BCR: variants seen among roughly 807,000 people sequenced by gnomAD.
The protein encoded by BCR is breakpoint cluster region protein.
In BCR, 58 loss-of-function variants were observed where a neutral mutation model predicts 138.6. The observed-to-expected ratio is 0.42, with a 90% CI of 0.34 to 0.52. The LOEUF is 0.52. Among genes scored for constraint, BCR ranks in the 20% least tolerant of loss-of-function variants. The probability of loss-of-function intolerance (pLI) is 0.06; values close to 1 mark genes in which losing one functional copy is unlikely to be tolerated. For synonymous variants in BCR, 786 were observed against 730.1 expected (o/e 1.08, Z -1.23); for missense variants, 1,599 against 1,727.2 (o/e 0.93, Z 1.32).
chr22:23,298,199 G>C (rs1029620461), intron 16 of BCR, among the ~76,000 whole-genome samples: 1 of 152,212 alleles, frequency 6.6e-6, no homozygotes, highest in South Asian at 2.1e-4. Flanking sequence ...ACATCAGGGG[G>C]AAGAGGGATT....
At chr22:23,258,923 C>T (rs1431047113) in intron 2 of BCR, among the ~76,000 whole-genome samples, 5 of 152,220 alleles carry the variant, frequency 3.3e-5, no homozygotes, top group Non-Finnish European at 4.4e-5. Flanking sequence ...TCACAGACAC[C>T]GGACCTGGCA....
Position 23,234,955 on chromosome 22 carries a change from G to T in BCR, c.1280-18844G>T, listed in dbSNP as rs562935027. On this transcript the variant is annotated intron_variant, in intron 1 of 22. Transcript: ENST00000305877. ...GCCCTACCATGCTTAGAGGAGTCAG[G>T]CTCCTCCCCCGACTCTGTGGCCACA... 1.4e-5 allele frequency among the ~76,000 whole-genome samples: 2 copies of T among 143,578 alleles called. 1 individual carries two copies. The allele number at this position is 143,578 out of a possible 152,430, so 94.2% of individuals were successfully genotyped here.
intron 1 of BCR, among the ~76,000 whole-genome samples, chr22:23,219,313 G>A (rs1773590525): frequency 1.3e-5 from 2 of 152,178 alleles, no homozygotes; most frequent in Non-Finnish European, 1.5e-5. Flanking sequence ...GCATTTTCAA[G>A]CTCTGTTCCT....
intron 2 of BCR, chr22:23,254,416 C>T: frequency 4.0e-6 from 2 of 503,542 alleles, no homozygotes; most frequent in Admixed American, 2.0e-5. Flanking sequence ...TTTCACTTGA[C>T]CCTCATTAAT....
chr22:23,317,002 C>A lies in BCR; in HGVS notation c.*1480C>A, dbSNP rs529545273. 5.9e-5 allele frequency: 9 copies of A among 151,840 alleles called. No homozygotes were observed. The highest frequency in any genetic ancestry group is 5.9e-4 in the East Asian group (5 of 8,456). The allele number at this position is 151,840 out of a possible 1,614,324, so 9.4% of individuals were successfully genotyped here. ...CTGCAGGAGGAGAGGATGCAGCTGCCCAGAGGGAAGCAGGATCACATTTAA... is the reference window on the plus strand; with the variant it reads ...CTGCAGGAGGAGAGGATGCAGCTGCACAGAGGGAAGCAGGATCACATTTAA... On this transcript the variant is annotated 3_prime_UTR_variant, in exon 23 of 23. Coordinates refer to ENST00000305877, the MANE Select transcript of BCR (RefSeq NM_004327.4).
At chr22:23,200,337 G>C (rs984668393) in intron 1 of BCR, among the ~76,000 whole-genome samples, 2 of 151,986 alleles carry the variant, frequency 1.3e-5, no homozygotes, top group East Asian at 1.9e-4. Flanking sequence ...TTTATTTAGA[G>C]ACAGGGTCTT....
At chr22:23,255,607 C>T (rs935912567) in intron 2 of BCR, among the ~76,000 whole-genome samples, 4 of 152,318 alleles carry the variant, frequency 2.6e-5, no homozygotes, top group African/African-American at 7.2e-5. Context: ...CCAGCCAGTC[C>T]TTGATGCAGT....
rs116617452 is a variant in BCR at position 23,218,080 on chromosome 22, G to T, written c.1280-35719G>T. The stretch of plus-strand genomic sequence containing the variant: ...TGACCAGAGGAATCCTTCCCCTGTC[G>T]CATTGGCATCCCTCCCCTCACTGTT... On this transcript the variant is annotated intron_variant, in intron 1 of 22. Transcript: ENST00000305877. Among the ~76,000 whole-genome samples, 837 of 152,314 alleles carry T rather than the reference G, an allele frequency of 5.5e-3. 7 individuals are homozygous for T. Among genetic ancestry groups the T allele is most frequent in the African/African-American group, 0.017 (691 of 41,582 alleles).
At chr22:23,210,588 G>T (rs913975623) in intron 1 of BCR, among the ~76,000 whole-genome samples, 1 of 152,118 alleles carries the variant, frequency 6.6e-6, no homozygotes, top group East Asian at 1.9e-4. Context: ...CCTTCATCAA[G>T]ATACACAGCA....
chr22:23,256,670 C>T (rs1453660215), intron 2 of BCR, among the ~76,000 whole-genome samples: 1 of 152,044 alleles, frequency 6.6e-6, no homozygotes, highest in Non-Finnish European at 1.5e-5. Context: ...CCCTGATCAC[C>T]ACTGGGCTCC....
chr22:23,264,393 GA>G (rs1274530008), intron 4 of BCR: 1 of 798,472 alleles, frequency 1.3e-6, no homozygotes, highest in Non-Finnish European at 2.2e-6. Context: ...GGGCCAAGGA[GA>G]CCAGTGAGTC....
At position 23,182,240 on chromosome 22, in the gene BCR, G is replaced by C; in HGVS notation, c.1279+1G>C. On this transcript the variant is annotated splice_donor_variant, in intron 1 of 22. Coordinates refer to ENST00000305877, the MANE Select transcript of BCR (RefSeq NM_004327.4). LOFTEE classifies it high-confidence loss of function. ...GAGGGCGCCTTCCATGGAGACGCAG[G>C]TGAGTTCCTCACGCCACGTGCGTGG... 1 of 1,560,138 alleles carries C rather than the reference G, an allele frequency of 6.4e-7. No homozygotes were observed. The highest frequency in any genetic ancestry group is 1.3e-5 in the African/African-American group (1 of 74,232).
chr22:23,181,147 C>A lies in BCR; in HGVS notation c.187C>A (p.Leu63Met). Residue 63 changes from leucine to methionine, a missense_variant, in exon 1 of 23, where the codon CTG becomes ATG. Transcript: ENST00000305877. ...CCGCATGATCTACCTGCAGACGTTG[C>A]TGGCCAAGGAAAAGAAGAGCTATGA... is the stretch of plus-strand genomic sequence containing the variant. ...RFRMIYLQTL[L>M]AKEKKSYDRQ... The A allele has an allele frequency of 6.8e-7, 1 of 1,462,824 alleles. No individual in the cohort carries two copies. Among genetic ancestry groups the A allele is most frequent in the Non-Finnish European group, 9.1e-7 (1 of 1,094,772 alleles). The allele number at this position is 1,462,824 out of a possible 1,614,324, so 90.6% of individuals were successfully genotyped here.
At chr22:23,242,798 A>C in intron 1 of BCR, 1 of 449,520 alleles carries the variant, frequency 2.2e-6, no homozygotes, top group Admixed American at 2.4e-5. Context: ...TTACAACAAC[A>C]AACATTTATT....
chr22:23,253,731 C>G (rs1173657479), intron 1 of BCR, 68 bp from the exon 2 acceptor site: 1 of 1,535,190 alleles, frequency 6.5e-7, no homozygotes, highest in Non-Finnish European at 8.8e-7. Context: ...TGGGTGCTTG[C>G]TGGGATGGGT....
intron 16 of BCR, among the ~76,000 whole-genome samples, chr22:23,300,876 G>T (rs1383603074): frequency 6.6e-6 from 1 of 152,178 alleles, no homozygotes; most frequent in Non-Finnish European, 1.5e-5. Context: ...GAACTCTGAT[G>T]CCCCCACTGG....
At chr22:23,205,888 C>T (rs1777274270) in intron 1 of BCR, among the ~76,000 whole-genome samples, 1 of 152,208 alleles carries the variant, frequency 6.6e-6, no homozygotes, top group African/African-American at 2.4e-5. Flanking sequence ...GTTTGCCAAC[C>T]TGTGTTTCAC....
At chr22:23,279,967 C>T (rs2073624434) in intron 8 of BCR, among the ~76,000 whole-genome samples, 1 of 152,230 alleles carries the variant, frequency 6.6e-6, no homozygotes, top group Non-Finnish European at 1.5e-5. Context: ...TGTACCCTCA[C>T]ATGGCCTTCC....
chr22:23,211,645 T>A (rs1290639699), intron 1 of BCR, among the ~76,000 whole-genome samples: 2 of 151,312 alleles, frequency 1.3e-5, no homozygotes, highest in African/African-American at 4.9e-5. Flanking sequence ...CCACCACGCC[T>A]GGCTAGTTTT....
Sources: allele counts gnomAD v4.1 joint callset (sites outside exome capture counted in the v4.1 genomes callset), GRCh38; gene constraint gnomAD v4.1.1; transcripts MANE v1.5; gene names NCBI Gene and HGNC (gene_info 2026-07-23, HGNC 2026-07-21).